Variants in SLC39A11 observed in about 807,000 individuals in gnomAD.
The protein encoded by SLC39A11 is solute carrier family 39 member 11.
Under a neutral mutation model 36.1 loss-of-function variants are expected in SLC39A11, and 33 were observed. The observed-to-expected ratio is 0.91, with a 90% CI of 0.69 to 1.22. The LOEUF is 1.22. SLC39A11 is among the 50% of genes most tolerant of loss of function. The pLI is 0.00. For missense variants in SLC39A11, 432 were observed against 430.3 expected (o/e 1.00, Z -0.03); for synonymous variants, 166 against 170.3 (o/e 0.97, Z 0.20).
intron 6 of SLC39A11, among the ~76,000 whole-genome samples, chr17:72,822,314 T>C (rs911837822): frequency 4.8e-5 from 7 of 146,846 alleles, no homozygotes; most frequent in African/African-American, 1.7e-4. Context: ...TAGAGAGATA[T>C]AATATATATA....
chr17:73,086,321 T>C (rs2060726985), intron 2 of SLC39A11, among the ~76,000 whole-genome samples: 3 of 151,820 alleles, frequency 2.0e-5, no homozygotes, highest in Admixed American at 2.0e-4. Context: ...TCCATAAGCA[T>C]CTTCTATTTC....
At chr17:72,661,104 C>G (rs960944478) in intron 7 of SLC39A11, among the ~76,000 whole-genome samples, 3 of 152,196 alleles carry the variant, frequency 2.0e-5, no homozygotes, top group African/African-American at 7.2e-5. Context: ...TATGGCACGA[C>G]AGATTTGGGG....
chr17:72,715,566 C>G (rs1350421912), intron 7 of SLC39A11, among the ~76,000 whole-genome samples: 3 of 152,174 alleles, frequency 2.0e-5, no homozygotes, highest in Admixed American at 6.5e-5. Flanking sequence ...CTGTGTGATG[C>G]CACTTCTATG....
chr17:72,755,296 A>C (rs2075328705), intron 6 of SLC39A11, among the ~76,000 whole-genome samples: 1 of 152,272 alleles, frequency 6.6e-6, no homozygotes, highest in African/African-American at 2.4e-5. Context: ...ATTGCAAAGG[A>C]GTGAATAAGG....
At chr17:72,654,226 G>A (rs1156320568) in intron 7 of SLC39A11, among the ~76,000 whole-genome samples, 1 of 151,636 alleles carries the variant, frequency 6.6e-6, no homozygotes, top group Admixed American at 6.6e-5. Flanking sequence ...TGCCAGGGAG[G>A]GTGATGGGTG....
intron 4 of SLC39A11, among the ~76,000 whole-genome samples, chr17:72,969,603 C>T (rs1474861151): frequency 4.8e-5 from 2 of 41,866 alleles, no homozygotes; most frequent in Non-Finnish European, 2.1e-4. Flanking sequence ...TCCCCTTTTC[C>T]CCATCTTTCT....
intron 7 of SLC39A11, among the ~76,000 whole-genome samples, chr17:72,728,417 G>A (rs1257743808): frequency 6.6e-6 from 1 of 152,128 alleles, no homozygotes; most frequent in African/African-American, 2.4e-5. Context: ...ACTACAGCCT[G>A]AGTGACAGAG....
chr17:72,705,866 G>A (rs2072872196), intron 7 of SLC39A11, among the ~76,000 whole-genome samples: 3 of 152,170 alleles, frequency 2.0e-5, no homozygotes, highest in African/African-American at 4.8e-5. Flanking sequence ...TCTTTTGCCT[G>A]GACCAGTTAC....
intron 5 of SLC39A11, among the ~76,000 whole-genome samples, chr17:72,855,156 G>C (rs2079571792): frequency 6.6e-6 from 1 of 152,194 alleles, no homozygotes; most frequent in Non-Finnish European, 1.5e-5. Flanking sequence ...AAAATACACA[G>C]ACCATTTTGA....
intron 6 of SLC39A11, among the ~76,000 whole-genome samples, chr17:72,841,207 A>C (rs560436914): frequency 6.6e-6 from 1 of 152,376 alleles, no homozygotes; most frequent in African/African-American, 2.4e-5. Flanking sequence ...GTGTTATAAC[A>C]TTGGGCCCCC....
intron 7 of SLC39A11, among the ~76,000 whole-genome samples, chr17:72,651,656 G>A (rs2069858376): frequency 1.3e-5 from 2 of 152,172 alleles, no homozygotes; most frequent in African/African-American, 4.8e-5. Flanking sequence ...GCTGGGGGTG[G>A]GAAACTGTGA....
Position 72,745,608 on chromosome 17 carries a change from C to T in SLC39A11, c.602-8889G>A, listed in dbSNP as rs113908336. Among the ~76,000 whole-genome samples the T allele has an allele frequency of 1.1e-3, 174 of 152,278 alleles. 2 individuals carry two copies. Among genetic ancestry groups the T allele is most frequent in the Middle Eastern group, 6.8e-3 (2 of 294 alleles). ...GCTGTTGTGAAGCCACTATTCTCCG[C>T]CCTGTGCCTGTACCATTAATTCTTT... On this transcript the variant is annotated intron_variant, in intron 6 of 9. Coordinates refer to ENST00000255559, the MANE Select transcript of SLC39A11 (RefSeq NM_139177.4).
At chr17:73,032,395 T>A (rs1202256917) in intron 3 of SLC39A11, among the ~76,000 whole-genome samples, 1 of 152,044 alleles carries the variant, frequency 6.6e-6, no homozygotes, top group Non-Finnish European at 1.5e-5. Context: ...TTTTTAGAGA[T>A]GGGATTTTGC....
At chr17:73,019,790 A>C (rs1241281113) in intron 4 of SLC39A11, among the ~76,000 whole-genome samples, 1 of 152,214 alleles carries the variant, frequency 6.6e-6, no homozygotes, top group East Asian at 1.9e-4. Flanking sequence ...ATTATATTAA[A>C]TATAAATTGA....
chr17:72,698,214 A>C (rs1032141156), intron 7 of SLC39A11, among the ~76,000 whole-genome samples: 3 of 152,274 alleles, frequency 2.0e-5, no homozygotes, highest in Non-Finnish European at 4.4e-5. Flanking sequence ...GGGAGAAGAA[A>C]AAGCCATTTT....
chr17:72,694,261 G>A (rs534967844), intron 7 of SLC39A11, among the ~76,000 whole-genome samples: 47 of 152,316 alleles, frequency 3.1e-4, no homozygotes, highest in South Asian at 1.2e-3. Flanking sequence ...GGTTGCCACC[G>A]GGCTGTGGAA....
chr17:72,875,029 A>G (rs1395615450), intron 5 of SLC39A11, among the ~76,000 whole-genome samples: 1 of 152,196 alleles, frequency 6.6e-6, no homozygotes, highest in Non-Finnish European at 1.5e-5. Context: ...AGATGGGCAA[A>G]TATATCTCAA....
chr17:73,082,126 G>GA (rs1226809670), intron 3 of SLC39A11, among the ~76,000 whole-genome samples: 33 of 117,898 alleles, frequency 2.8e-4, no homozygotes, highest in African/African-American at 6.6e-4. Flanking sequence ...TAAAAAAAAA[G>GA]AAAAAAAAAA....
intron 3 of SLC39A11, among the ~76,000 whole-genome samples, chr17:73,060,474 A>G (rs540384951): frequency 6.6e-6 from 1 of 152,264 alleles, no homozygotes; most frequent in East Asian, 1.9e-4. Flanking sequence ...GGTTAAATTA[A>G]TGACTATTAT....
Sources: allele counts gnomAD v4.1 joint callset (sites outside exome capture counted in the v4.1 genomes callset), GRCh38; gene constraint gnomAD v4.1.1; transcripts MANE v1.5; gene names NCBI Gene and HGNC (gene_info 2026-07-23, HGNC 2026-07-21).